TBC1D4: variants seen among roughly 807,000 people sequenced by gnomAD.
TBC1D4 encodes TBC1 domain family member 4.
Under a neutral mutation model 142.5 loss-of-function variants are expected in TBC1D4, and 121 were observed. That is an observed-to-expected ratio of 0.85 (90% CI 0.73 to 0.99). TBC1D4 has a LOEUF of 0.99. Among genes scored for constraint, TBC1D4 ranks in the 50% least tolerant of loss-of-function variants. The probability of loss-of-function intolerance (pLI) is 0.00; values close to 1 mark genes in which losing one functional copy is unlikely to be tolerated. For synonymous variants in TBC1D4, 630 were observed against 628.2 expected, an observed-to-expected ratio of 1.00 and a Z score of -0.04; for missense variants, 1,475 against 1,606.6, an observed-to-expected ratio of 0.92 and a Z score of 1.40.
intron 13 of TBC1D4, among the ~76,000 whole-genome samples, chr13:75,310,862 C>G (rs995525470): frequency 6.6e-6 from 1 of 152,118 alleles, no homozygotes; most frequent in African/African-American, 2.4e-5. Flanking sequence ...TCTATGTGTA[C>G]TCAATGTTTA....
In TBC1D4 at chr13:75,442,881, A is replaced by G. The variant is rs187870643; in HGVS notation, c.498+38389T>C. On this transcript the variant is annotated intron_variant, in intron 1 of 20. Transcript: ENST00000377636. The stretch of plus-strand genomic sequence containing the variant: ...AGAAAAAGAAAACAGAAACAGTCCA[A>G]ACTCCATGTCCTGTCTGTGCCTCTT... 7.8e-4 allele frequency among the ~76,000 whole-genome samples: 119 copies of G among 152,300 alleles called. 1 individual carries two copies. The highest frequency in any genetic ancestry group is 1.3e-3 in the Non-Finnish European group (87 of 68,014).
chr13:75,289,508 A>G (rs1875050817), intron 19 of TBC1D4, among the ~76,000 whole-genome samples: 1 of 152,092 alleles, frequency 6.6e-6, no homozygotes, highest in African/African-American at 2.4e-5. Context: ...TTGAGTAATT[A>G]TTATGTTAGA....
rs917787587 is a variant in TBC1D4, at chr13:75,283,549, T to C, written c.*3243A>G. Among the ~76,000 whole-genome samples, 78 of 152,226 alleles carry C rather than the reference T, an allele frequency of 5.1e-4. 1 individual carries two copies. Among genetic ancestry groups the C allele is most frequent in the Admixed American group, 5.0e-3 (77 of 15,276 alleles). On this transcript the variant is annotated 3_prime_UTR_variant, in exon 21 of 21. Coordinates refer to ENST00000377636, the MANE Select transcript of TBC1D4 (RefSeq NM_014832.5). ...ATATACATGAGAATACTCCAAGAGA[T>C]GCATATTTTATATAAAAACATTCAT...
At chr13:75,366,891 G>A (rs535497241) in intron 1 of TBC1D4, 2 of 963,796 alleles carry the variant, frequency 2.1e-6, no homozygotes, top group African/African-American at 3.5e-5. Flanking sequence ...TCTGGAGAGT[G>A]AAAAAGCACT....
chr13:75,322,185 G>T (rs747838040), intron 11 of TBC1D4, among the ~76,000 whole-genome samples: 41 of 152,132 alleles, frequency 2.7e-4, no homozygotes, highest in Non-Finnish European at 5.4e-4. Context: ...TACACTTTTG[G>T]CCTATTCATT....
chr13:75,417,868 C>A (rs1885987405), intron 1 of TBC1D4, among the ~76,000 whole-genome samples: 1 of 152,136 alleles, frequency 6.6e-6, no homozygotes, highest in Non-Finnish European at 1.5e-5. Context: ...CCTATGTTCA[C>A]ATCGTGCCAA....
At chr13:75,353,386 G>C (rs1330060120) in intron 4 of TBC1D4, among the ~76,000 whole-genome samples, 1 of 152,310 alleles carries the variant, frequency 6.6e-6, no homozygotes, top group East Asian at 1.9e-4. Flanking sequence ...GAAGTTCAGA[G>C]TAATGCAGTC....
At chr13:75,457,830 G>A (rs9573545) in intron 1 of TBC1D4, among the ~76,000 whole-genome samples, 4,345 of 152,262 alleles carry the variant, frequency 0.029, 217 homozygotes, top group East Asian at 0.24. Context: ...TGAAGCGAGC[G>A]TTCCCTAACC....
At position 75,302,308 on chromosome 13, in the gene TBC1D4, T is replaced by G; in HGVS notation, c.2846A>C (p.Asp949Ala). The change falls in exon 16 of 21, where the codon GAC (aspartate) becomes GCC (alanine). Residue 949 changes from aspartate (D) to alanine (A), a missense_variant. By Grantham distance (126) the Asp-to-Ala change is moderately radical (BLOSUM62 -2). Coordinates refer to ENST00000377636, the MANE Select transcript of TBC1D4 (RefSeq NM_014832.5). ...HRLPNKQQPP[D>A]ISYKELLKQL... ...CTTCAAAAGTTCCTTATAGGATATG[T>G]CAGGAGGCTGTTGTTTATTAGGCAA... is the stretch of plus-strand genomic sequence containing the variant. 6.2e-7 allele frequency: 1 copy of G among 1,614,238 alleles called. No homozygotes were observed. The highest frequency in any genetic ancestry group is 8.5e-7 in the Non-Finnish European group (1 of 1,180,038).
intron 1 of TBC1D4, among the ~76,000 whole-genome samples, chr13:75,419,379 T>G (rs557695751): frequency 2.2e-4 from 34 of 152,342 alleles, no homozygotes; most frequent in African/African-American, 7.5e-4. Context: ...GATTTCTGTC[T>G]AACAATGTAT....
In TBC1D4 at chr13:75,481,684, G is replaced by A; in HGVS notation, c.84C>T (p.Pro28=). ...GGAACCGCTTATCGCTTGGCTTCCC[G>A]GGGCCGGGCTGAGCTGAGACGCCCG... ...PEPGVSAQPG[P]GKPSDKRFRL... The change falls in exon 1 of 21, where the codon CCC becomes CCT. Residue 28 remains proline, a synonymous_variant. Transcript: ENST00000377636. The A allele has an allele frequency of 6.3e-7, 1 of 1,598,962 alleles. No individual in the cohort carries two copies. The highest frequency in any genetic ancestry group is 8.5e-7 in the Non-Finnish European group (1 of 1,173,518).
rs780485511 is a variant in TBC1D4, at chr13:75,362,103, G to T, written c.1003C>A (p.Pro335Thr). 1.9e-6 allele frequency: 3 copies of T among 1,613,974 alleles called. No individual in the cohort carries two copies. In the Admixed American group the frequency reaches 5.0e-5, roughly 27 times the overall value. Reference protein sequence around the residue: ...RVHEGSQKSQPRRRHASAPSH... With the variant: ...RVHEGSQKSQTRRRHASAPSH... ...GGTGCGCTCGCGTGTCTCCGTCGCG[G>T]CTGGGATTTCTGGCTGCCCTCGTGA... is the stretch of plus-strand genomic sequence containing the variant. Residue 335 changes from proline (P) to threonine (T), a missense_variant, in exon 2 of 21, where the codon CCG (proline) becomes ACG (threonine). By Grantham distance (38) the Pro-to-Thr change is conservative. Coordinates refer to ENST00000377636, the MANE Select transcript of TBC1D4 (RefSeq NM_014832.5). This position sits in a 1 kb window ranked among gnomAD's most constrained non-coding sequence, Gnocchi z 4.2.
At chr13:75,312,068 T>C (rs893727844) in intron 13 of TBC1D4, among the ~76,000 whole-genome samples, 4 of 152,186 alleles carry the variant, frequency 2.6e-5, no homozygotes, top group African/African-American at 9.6e-5. Flanking sequence ...TCATTATGTA[T>C]GTTCTCATGA....
intron 1 of TBC1D4, among the ~76,000 whole-genome samples, chr13:75,454,855 C>T (rs1887663744): frequency 6.6e-6 from 1 of 152,144 alleles, no homozygotes; most frequent in African/African-American, 2.4e-5. Context: ...AAGTCCTTTA[C>T]ATAACTACAT....
chr13:75,419,009 C>A (rs1033462243), intron 1 of TBC1D4, among the ~76,000 whole-genome samples: 11 of 152,130 alleles, frequency 7.2e-5, no homozygotes, highest in Admixed American at 3.9e-4. Context: ...GGGTTGGGAC[C>A]ACTGATCTAA....
Position 75,341,125 on chromosome 13 carries a change from A to G in TBC1D4, c.1611T>C (p.Ser537=). 2 of 1,612,764 alleles carry G rather than the reference A, an allele frequency of 1.2e-6. No individual in the cohort carries two copies. Among genetic ancestry groups the G allele is most frequent in the Non-Finnish European group, 1.7e-6 (2 of 1,179,260 alleles). ...KTHVHIGEGP[S]TISNSTIPEN... is the part of the protein sequence containing the mutation. ...GGTGAAGTAGGAAATATCTTCTCAC[A>G]GAAGGGCCTTCCCCGATGTGCACGT... Residue 537 remains serine (S), a splice_region_variant and synonymous_variant, in exon 7 of 21, where the codon TCT becomes TCC. Transcript: ENST00000377636.
chr13:75,421,525 C>T (rs1257391934), intron 1 of TBC1D4, among the ~76,000 whole-genome samples: 2 of 152,076 alleles, frequency 1.3e-5, no homozygotes, highest in East Asian at 3.9e-4. Flanking sequence ...TTTCCTGTTA[C>T]AAAATGTTCT....
chr13:75,335,925 A>C (rs1490555164), intron 8 of TBC1D4, among the ~76,000 whole-genome samples: 1 of 152,210 alleles, frequency 6.6e-6, no homozygotes, highest in South Asian at 2.1e-4. Flanking sequence ...CAATGGGCAA[A>C]AGAAGAATTT....
chr13:75,409,982 AT>A (rs755622004), intron 1 of TBC1D4, among the ~76,000 whole-genome samples: 1 of 152,196 alleles, frequency 6.6e-6, no homozygotes, highest in Non-Finnish European at 1.5e-5. Context: ...CAGCTTTCAG[AT>A]TTTTAAATTT....
Sources: allele counts gnomAD v4.1 joint callset (sites outside exome capture counted in the v4.1 genomes callset), GRCh38; gene constraint gnomAD v4.1.1; non-coding constraint Gnocchi (gnomAD v3.1); transcripts MANE v1.5; gene names NCBI Gene and HGNC (gene_info 2026-07-23, HGNC 2026-07-21).